The following LINGO2 variants were observed in gnomAD, a reference collection of about 807,000 sequenced individuals.
The protein encoded by LINGO2 is leucine rich repeat and Ig domain containing 2, also known as leucine-rich repeat and immunoglobulin-like domain-containing nogo receptor-interacting protein 2.
In LINGO2, 14 loss-of-function variants were observed where a neutral mutation model predicts 30.6. The ratio of observed to expected loss-of-function variants is 0.46; its 90% CI spans 0.30 to 0.72. The LOEUF (loss-of-function observed/expected upper bound fraction) is 0.72, where lower values mean the gene tolerates loss of function less well. Among genes scored for constraint, LINGO2 ranks in the 30% least tolerant of loss-of-function variants. The pLI is 0.07. For missense variants in LINGO2, 729 were observed against 751.7 expected (o/e 0.97, Z 0.35); for synonymous variants, 317 against 288.5 (o/e 1.10, Z -1.00).
the LINGO2 span, among the ~76,000 whole-genome samples, chr9:28,727,963 T>C: frequency 1.9e-4 from 29 of 152,212 alleles, no homozygotes; most frequent in Middle Eastern, 6.8e-3. Context: ...TAGGGTACCA[T>C]AGAAGGGCCA....
chr9:28,069,866 T>C (rs1297337082), intron 4 of LINGO2, among the ~76,000 whole-genome samples: 1 of 150,774 alleles, frequency 6.6e-6, no homozygotes, highest in Non-Finnish European at 1.5e-5. Context: ...AATAGTTTGC[T>C]TAACTGCCAA....
intron 1 of LINGO2, among the ~76,000 whole-genome samples, chr9:28,600,770 A>G (rs1825427565): frequency 6.6e-6 from 1 of 152,120 alleles, no homozygotes; most frequent in African/African-American, 2.4e-5. Context: ...TTTGAACTGC[A>G]TAGAGGCACG....
At chr9:28,966,833 A>G in the LINGO2 span, among the ~76,000 whole-genome samples, 3 of 152,146 alleles carry the variant, frequency 2.0e-5, no homozygotes, top group African/African-American at 7.2e-5. Flanking sequence ...ATTTGAAAAG[A>G]AAAATAAGTA....
chr9:28,175,848 C>A (rs1276152475), intron 4 of LINGO2, among the ~76,000 whole-genome samples: 2 of 152,196 alleles, frequency 1.3e-5, no homozygotes, highest in South Asian at 2.1e-4. Context: ...ACTGTATGAG[C>A]TCCAATAACT....
the LINGO2 span, among the ~76,000 whole-genome samples, chr9:29,036,919 G>T: frequency 6.6e-6 from 1 of 151,952 alleles, no homozygotes; most frequent in East Asian, 1.9e-4. Context: ...TTTATTAATT[G>T]AAAAATTAGT....
At chr9:28,892,843 G>A in the LINGO2 span, among the ~76,000 whole-genome samples, 47 of 151,966 alleles carry the variant, frequency 3.1e-4, 2 homozygotes, top group Admixed American at 2.2e-3. Context: ...CTACAATGAC[G>A]AAAATGTTTA....
Position 28,555,389 on chromosome 9 carries a change from A to C in LINGO2, c.-364-79364T>G, listed in dbSNP as rs1822600400. 3.3e-5 allele frequency among the ~76,000 whole-genome samples: 5 copies of C among 150,856 alleles called. No individual in the cohort carries two copies. The South Asian group carries it at 1.0e-3, about 32-fold the overall frequency. On this transcript the variant is annotated intron_variant, in intron 1 of 5. Coordinates refer to ENST00000379992, the Ensembl canonical transcript of LINGO2. ...AACACCTCTATGCAAATAAACTAGA[A>C]AATCTAGAAGAAATGGATAAATTCC...
chr9:28,923,595 G>T, the LINGO2 span, among the ~76,000 whole-genome samples: 10 of 151,880 alleles, frequency 6.6e-5, no homozygotes, highest in Non-Finnish European at 1.5e-4. Flanking sequence ...AAGGAAAAAA[G>T]AAATGAATTA....
intron 1 of LINGO2, among the ~76,000 whole-genome samples, chr9:28,576,356 A>ATTT: frequency 6.6e-6 from 1 of 152,326 alleles, no homozygotes; most frequent in Non-Finnish European, 1.5e-5. Context: ...CTTTTGCACC[A>ATTT]TGGTAAACTA....
intron 4 of LINGO2, among the ~76,000 whole-genome samples, chr9:28,024,594 T>C (rs767958530): frequency 2.6e-5 from 4 of 152,176 alleles, no homozygotes; most frequent in African/African-American, 4.8e-5. Flanking sequence ...GGCCAAAGCC[T>C]CCTTTTGTAA....
chr9:28,984,918 T>A, the LINGO2 span, among the ~76,000 whole-genome samples: 2 of 152,154 alleles, frequency 1.3e-5, no homozygotes, highest in East Asian at 3.9e-4. Context: ...TACAATACAT[T>A]ACCATCACTA....
chr9:28,587,920 A>G (rs1302357488), intron 1 of LINGO2, among the ~76,000 whole-genome samples: 1 of 151,986 alleles, frequency 6.6e-6, no homozygotes, highest in African/African-American at 2.4e-5. Flanking sequence ...AAATGTTGAA[A>G]GTGTCCTGTG....
intron 4 of LINGO2, among the ~76,000 whole-genome samples, chr9:28,251,315 G>A (rs1241053918): frequency 6.6e-6 from 1 of 152,116 alleles, no homozygotes; most frequent in Non-Finnish European, 1.5e-5. Context: ...AGCTTCTAGA[G>A]AAGGGTAGGA....
At chr9:28,231,797 T>G (rs1821365661) in intron 4 of LINGO2, among the ~76,000 whole-genome samples, 1 of 152,058 alleles carries the variant, frequency 6.6e-6, no homozygotes, top group African/African-American at 2.4e-5. Flanking sequence ...ACACACTCAG[T>G]TTCAATGATT....
the LINGO2 span, among the ~76,000 whole-genome samples, chr9:28,900,047 G>C: frequency 6.6e-6 from 1 of 152,134 alleles, no homozygotes; most frequent in African/African-American, 2.4e-5. Flanking sequence ...TAGCTTCTAG[G>C]CCAGCCATTA....
At chr9:29,122,297 T>A in the LINGO2 span, among the ~76,000 whole-genome samples, 77 of 152,164 alleles carry the variant, frequency 5.1e-4, no homozygotes, top group African/African-American at 1.8e-3. Flanking sequence ...GTAATACCAC[T>A]AATAAAGTAG....
intron 4 of LINGO2, among the ~76,000 whole-genome samples, chr9:28,198,164 A>AG (rs1820082774): frequency 6.6e-6 from 1 of 151,978 alleles, no homozygotes. Context: ...TTCAGGAAAA[A>AG]AAAACTAAAT....
At chr9:29,205,818 C>G in the LINGO2 span, among the ~76,000 whole-genome samples, 2 of 152,130 alleles carry the variant, frequency 1.3e-5, no homozygotes, top group Non-Finnish European at 2.9e-5. Context: ...TTTGTGCAAC[C>G]ATCAGCACAA....
At chr9:29,102,403 T>A in the LINGO2 span, among the ~76,000 whole-genome samples, 1 of 152,126 alleles carries the variant, frequency 6.6e-6, no homozygotes, top group Non-Finnish European at 1.5e-5. Flanking sequence ...TTTAAAAAAA[T>A]AAAATCTGTT....
Sources: gnomAD v4.1 joint callset for allele counts (sites outside exome capture counted in the v4.1 genomes callset) on GRCh38, gnomAD v4.1.1 for gene constraint, MANE v1.5 for transcripts, NCBI Gene and HGNC (gene_info 2026-07-23, HGNC 2026-07-21) for gene names.